AAGAB: variants seen among roughly 807,000 people sequenced by gnomAD.
AAGAB encodes the protein alpha and gamma adaptin binding protein, also known as alpha- and gamma-adaptin-binding protein p34.
A neutral mutation model predicts 44.1 loss-of-function variants in AAGAB; 38 were observed. That is an observed-to-expected ratio of 0.86 (90% CI 0.67 to 1.13). The LOEUF is 1.13. AAGAB is among the 50% of genes most tolerant of loss of function. AAGAB has a pLI of 0.00. For synonymous variants in AAGAB, 131 were observed against 131.8 expected, an observed-to-expected ratio of 0.99 and a Z score of 0.04; for missense variants, 450 against 373.8, an observed-to-expected ratio of 1.20 and a Z score of -1.68.
Position 67,254,642 on chromosome 15 carries a change from G to A in AAGAB, c.-11C>T, listed in dbSNP as rs764780013. On this transcript the variant is annotated 5_prime_UTR_variant, in exon 1 of 10. Coordinates refer to ENST00000261880, the MANE Select transcript of AAGAB (RefSeq NM_024666.5). ...TACGCCAGCAGCCATAGCTGCGCTC[G>A]CGAGCCGGTTCCGTCAGGCAGCCGC... The A allele has an allele frequency of 1.9e-6, 3 of 1,582,148 alleles. No homozygotes were observed. Among genetic ancestry groups the A allele is most frequent in the African/African-American group, 2.7e-5 (2 of 74,076 alleles).
intron 1 of AAGAB, among the ~76,000 whole-genome samples, chr15:67,252,024 TG>T (rs1964884247): frequency 6.6e-6 from 1 of 152,218 alleles, no homozygotes; most frequent in South Asian, 2.1e-4. Flanking sequence ...CGAGTTGCAA[TG>T]GAAAGGTCAT....
At chr15:67,243,247 G>C (rs956826540) in intron 1 of AAGAB, among the ~76,000 whole-genome samples, 1 of 152,092 alleles carries the variant, frequency 6.6e-6, no homozygotes, top group Non-Finnish European at 1.5e-5. Context: ...CATCAGGAAA[G>C]GGAGAGAGAA....
rs959760585 is a variant in AAGAB at position 67,251,215 on chromosome 15, C to T, written c.73+3344G>A. On this transcript the variant is annotated intron_variant, in intron 1 of 9. Transcript: ENST00000261880. ...GGCCTACTGATTCTTATTTTAAGTG[C>T]GTGTGTGTGTGTGTGTGTGTCTGTG... Among the ~76,000 whole-genome samples, 16 of 143,630 alleles carry T rather than the reference C, an allele frequency of 1.1e-4. No homozygotes were observed. The East Asian group carries it at 1.6e-3, about 14-fold the overall frequency. 94.2% of individuals were successfully genotyped at this position (143,630 alleles called of 152,430 possible).
chr15:67,251,590 G>A (rs916820267), intron 1 of AAGAB, among the ~76,000 whole-genome samples: 1 of 152,028 alleles, frequency 6.6e-6, no homozygotes, highest in Admixed American at 6.6e-5. Flanking sequence ...CTGTTACTTG[G>A]TTATATTTCC....
At chr15:67,230,656 T>C (rs540880112) in intron 5 of AAGAB, among the ~76,000 whole-genome samples, 1 of 152,338 alleles carries the variant, frequency 6.6e-6, no homozygotes, top group East Asian at 1.9e-4. Context: ...TTCTATGTCA[T>C]ATGGTTTGTG....
intron 1 of AAGAB, among the ~76,000 whole-genome samples, chr15:67,247,486 T>C (rs973982657): frequency 5.3e-5 from 8 of 152,186 alleles, no homozygotes; most frequent in Non-Finnish European, 8.8e-5. Context: ...GAAATAAAAG[T>C]CTGATTCTAA....
intron 5 of AAGAB, among the ~76,000 whole-genome samples, chr15:67,222,239 C>CGT (rs1400729479): frequency 4.5e-5 from 3 of 66,966 alleles, no homozygotes; most frequent in East Asian, 3.4e-4. Context: ...CACGCGCGCG[C>CGT]GCGCACACAC....
At chr15:67,203,403 A>G (rs1305622299) in intron 9 of AAGAB, 145 bp downstream of exon 9, 4 of 739,792 alleles carry the variant, frequency 5.4e-6, no homozygotes, top group African/African-American at 5.3e-5. Context: ...CTATTACTGT[A>G]TAAATATTTA....
intron 1 of AAGAB, 52 bp from the exon 2 acceptor site, chr15:67,236,872 G>C (rs1455211306): frequency 8.4e-6 from 12 of 1,423,128 alleles, no homozygotes; most frequent in Non-Finnish European, 1.1e-5. Context: ...AATATACATT[G>C]GTTGATTTTC....
chr15:67,254,485 G>C (rs1041804504), intron 1 of AAGAB, 74 bp downstream of exon 1: 10 of 1,515,886 alleles, frequency 6.6e-6, no homozygotes, highest in Non-Finnish European at 8.9e-6. Context: ...GGCCCAGAGA[G>C]GCCGTGGTGC....
At chr15:67,249,695 A>G (rs530935451) in intron 1 of AAGAB, among the ~76,000 whole-genome samples, 1 of 152,306 alleles carries the variant, frequency 6.6e-6, no homozygotes, top group African/African-American at 2.4e-5. Flanking sequence ...CACCAGTGCC[A>G]CCACCTTAAA....
At chr15:67,233,656 G>C (rs1964395469) in intron 4 of AAGAB, among the ~76,000 whole-genome samples, 1 of 152,138 alleles carries the variant, frequency 6.6e-6, no homozygotes, top group Non-Finnish European at 1.5e-5. Context: ...CCACTTACTA[G>C]CTATTTGATC....
At chr15:67,221,198 G>C (rs910817403) in intron 5 of AAGAB, 1 of 152,178 alleles carries the variant, frequency 6.6e-6, no homozygotes, top group Non-Finnish European at 1.5e-5. Flanking sequence ...ACCTCCTAGG[G>C]AGACTAGGAA....
chr15:67,217,046 C>A (rs1275435354), intron 5 of AAGAB, among the ~76,000 whole-genome samples: 1 of 152,006 alleles, frequency 6.6e-6, no homozygotes, highest in Admixed American at 6.6e-5. Flanking sequence ...TCAAATTATG[C>A]CTTCTATACA....
chr15:67,205,002 T>C (rs895571499), intron 7 of AAGAB, among the ~76,000 whole-genome samples: 2 of 152,280 alleles, frequency 1.3e-5, no homozygotes, highest in Admixed American at 6.5e-5. Flanking sequence ...TCTGCACCAC[T>C]GAATGCTTTA....
intron 5 of AAGAB, among the ~76,000 whole-genome samples, chr15:67,227,131 C>T (rs1474318730): frequency 6.6e-6 from 1 of 152,128 alleles, no homozygotes; most frequent in Non-Finnish European, 1.5e-5. Context: ...AGTGGCATGA[C>T]ATAACGTAAA....
chr15:67,232,804 G>A (rs922753454), intron 4 of AAGAB: 1 of 202,208 alleles, frequency 4.9e-6, no homozygotes, highest in East Asian at 1.2e-4. Flanking sequence ...AGACAGCAAA[G>A]GCCAGTGTTA....
At chr15:67,246,608 T>A (rs1964729262) in intron 1 of AAGAB, among the ~76,000 whole-genome samples, 1 of 152,126 alleles carries the variant, frequency 6.6e-6, no homozygotes, top group Admixed American at 6.5e-5. Flanking sequence ...GAGTGGGGAC[T>A]AGCTAAAGGA....
At chr15:67,213,879 A>G (rs1963881074) in intron 5 of AAGAB, among the ~76,000 whole-genome samples, 2 of 152,372 alleles carry the variant, frequency 1.3e-5, no homozygotes, top group Admixed American at 6.5e-5. Flanking sequence ...TCTACACACA[A>G]TAGAAATAAA....
Sources: gnomAD v4.1 joint callset for allele counts (sites outside exome capture counted in the v4.1 genomes callset) on GRCh38, gnomAD v4.1.1 for gene constraint, MANE v1.5 for transcripts, NCBI Gene and HGNC (gene_info 2026-07-23, HGNC 2026-07-21) for gene names.